SLIT1: variants seen among roughly 807,000 people sequenced by gnomAD.
SLIT1 encodes the protein slit guidance ligand 1.
In SLIT1, 66 loss-of-function variants were observed where a neutral mutation model predicts 186.1. The ratio of observed to expected loss-of-function variants is 0.35; its 90% CI spans 0.29 to 0.44. The LOEUF is 0.44. Among genes scored for constraint, SLIT1 ranks in the 20% least tolerant of loss-of-function variants. The probability of loss-of-function intolerance (pLI) is 1.00; values close to 1 mark genes in which losing one functional copy is unlikely to be tolerated. For missense variants in SLIT1, 1,638 were observed against 2,037.4 expected (o/e 0.80, Z 3.77); for synonymous variants, 761 against 833.8 (o/e 0.91, Z 1.50).
intron 4 of SLIT1, among the ~76,000 whole-genome samples, chr10:97,116,418 T>C (rs562515190): frequency 5.9e-5 from 9 of 152,224 alleles, no homozygotes; most frequent in African/African-American, 2.2e-4. Flanking sequence ...AACACTGCTT[T>C]CCCAGCTTCC....
At chr10:97,124,770 A>G (rs1450776177) in intron 4 of SLIT1, among the ~76,000 whole-genome samples, 2 of 152,216 alleles carry the variant, frequency 1.3e-5, no homozygotes, top group Non-Finnish European at 2.9e-5. Context: ...TGGACATTAG[A>G]AGAATCACTA....
intron 4 of SLIT1, among the ~76,000 whole-genome samples, chr10:97,131,089 G>C (rs1849650032): frequency 6.6e-6 from 1 of 152,152 alleles, no homozygotes; most frequent in Non-Finnish European, 1.5e-5. Flanking sequence ...CGACAGCATG[G>C]AGCAGGCCGA....
At position 97,004,044 on chromosome 10, in the gene SLIT1, G is replaced by T. The variant is rs757035233; in HGVS notation, c.3865+24C>A. ...GGCCTCAGGCCAGACAGCAAAAGAG[G>T]CCCCGCCAGGGCCAGGTCCTCACCT... is the stretch of plus-strand genomic sequence containing the variant. On this transcript the variant is annotated intron_variant, in intron 34 of 36. Coordinates refer to ENST00000266058, the MANE Select transcript of SLIT1 (RefSeq NM_003061.3). This position sits in a 1 kb window ranked among gnomAD's most constrained non-coding sequence, Gnocchi z 5.1. 1 of 1,587,516 alleles carries T rather than the reference G, an allele frequency of 6.3e-7. No individual in the cohort carries two copies. The highest frequency in any genetic ancestry group is 1.3e-5 in the African/African-American group (1 of 74,436).
intron 18 of SLIT1, among the ~76,000 whole-genome samples, chr10:97,046,224 G>A (rs570824431): frequency 6.6e-6 from 1 of 152,252 alleles, no homozygotes; most frequent in South Asian, 2.1e-4. Flanking sequence ...CTGGGCTGTG[G>A]GTTATGGGAT....
chr10:97,034,022 G>C (rs544100621), intron 23 of SLIT1, among the ~76,000 whole-genome samples: 1 of 152,056 alleles, frequency 6.6e-6, no homozygotes, highest in Non-Finnish European at 1.5e-5. Flanking sequence ...CCGCCACCCA[G>C]CCCGATTAAT....
intron 25 of SLIT1, among the ~76,000 whole-genome samples, chr10:97,023,528 G>C (rs925985829): frequency 5.3e-5 from 8 of 152,178 alleles, no homozygotes. Context: ...TCTCACGCCT[G>C]CACCAACATA....
chr10:97,078,595 G>C (rs1003942486), intron 4 of SLIT1, among the ~76,000 whole-genome samples: 1 of 152,202 alleles, frequency 6.6e-6, no homozygotes, highest in African/African-American at 2.4e-5. Flanking sequence ...GCAGCTCAGA[G>C]GCTAGAGTCC....
chr10:97,144,558 G>A (rs1261098670), intron 4 of SLIT1, among the ~76,000 whole-genome samples: 1 of 152,140 alleles, frequency 6.6e-6, no homozygotes, highest in African/African-American at 2.4e-5. Flanking sequence ...GTGCACTGAG[G>A]CAAGATGCAA....
intron 20 of SLIT1, among the ~76,000 whole-genome samples, chr10:97,042,100 C>A (rs1314271794): frequency 6.6e-6 from 1 of 151,868 alleles, no homozygotes; most frequent in Non-Finnish European, 1.5e-5. Flanking sequence ...TTAGAAAATA[C>A]CCTGATGGTG....
At position 97,141,676 on chromosome 10, in the gene SLIT1, CGTATT is replaced by C. The variant is rs1025560715; in HGVS notation, c.413+16137_413+16141del. 3.6e-5 allele frequency among the ~76,000 whole-genome samples: 5 copies of C among 140,326 alleles called. No individual in the cohort carries two copies. In the East Asian group the frequency reaches 6.3e-4, roughly 18 times the overall value. The allele number at this position is 140,326 out of a possible 152,430, so 92.1% of individuals were successfully genotyped here. On this transcript the variant is annotated intron_variant, in intron 4 of 36. Coordinates refer to ENST00000266058, the MANE Select transcript of SLIT1 (RefSeq NM_003061.3). Reference sequence around the variant, plus strand: ...TGTATTGTATTGCATTGCATTGTATCGTATTGTATCGTATCGTATCGTATCGTATT... The same window carrying C: ...TGTATTGTATTGCATTGCATTGTATCGTATCGTATCGTATCGTATCGTATT...
intron 30 of SLIT1, among the ~76,000 whole-genome samples, chr10:97,011,774 C>T (rs569048390): frequency 6.6e-6 from 1 of 152,246 alleles, no homozygotes; most frequent in East Asian, 1.9e-4. Flanking sequence ...CTACAGACCT[C>T]CTGCTCCCCT....
chr10:97,094,617 A>C (rs996716652), intron 4 of SLIT1, among the ~76,000 whole-genome samples: 4 of 152,220 alleles, frequency 2.6e-5, no homozygotes. Context: ...AATAGTATTC[A>C]TAAGAGGAAT....
rs185050692 is a variant in SLIT1, at chr10:97,039,149, A to T, written c.2297+839T>A. Reference sequence around the variant, plus strand: ...GCAAGAAATAACAAATAGAAGCCTCATCGCTGGTCCTGGGGGTGGGGGGAG... The same window carrying T: ...GCAAGAAATAACAAATAGAAGCCTCTTCGCTGGTCCTGGGGGTGGGGGGAG... On this transcript the variant is annotated intron_variant, in intron 21 of 36. Transcript: ENST00000266058. Among the ~76,000 whole-genome samples the T allele has an allele frequency of 4.1e-3, 629 of 152,294 alleles. 4 individuals are homozygous for T. The highest frequency in any genetic ancestry group is 6.6e-3 in the Non-Finnish European group (451 of 68,018).
At chr10:97,163,874 C>T (rs568321066) in intron 2 of SLIT1, among the ~76,000 whole-genome samples, 36 of 152,364 alleles carry the variant, frequency 2.4e-4, no homozygotes, top group African/African-American at 8.4e-4. Context: ...CCTGAAGGCA[C>T]ATGTCCAAGG....
In SLIT1 at chr10:97,166,569, GAGAA is replaced by G. The variant is rs1554854785; in HGVS notation, c.198-1683_198-1680del. ...AAGGAAGGAAGGAAAGAGAGAGAGA[GAGAA>G]AGAAAGAAAGAAAGAAAGAAAGAAA... On this transcript the variant is annotated intron_variant, in intron 1 of 36. Transcript: ENST00000266058. Among the ~76,000 whole-genome samples, 59 of 58,950 alleles carry G rather than the reference GAGAA, an allele frequency of 1.0e-3. 1 individual carries two copies. Among genetic ancestry groups the G allele is most frequent in the African/African-American group, 3.8e-3 (54 of 14,294 alleles). 38.7% of individuals were successfully genotyped at this position (58,950 alleles called of 152,430 possible).
chr10:97,018,466 C>T, intron 28 of SLIT1, 120 bp downstream of exon 28: 1 of 632,068 alleles, frequency 1.6e-6, no homozygotes, highest in African/African-American at 1.9e-5. Context: ...CGACAGTGCG[C>T]CTCCACCTCC....
chr10:97,010,964 C>T lies in SLIT1; in HGVS notation c.3341+29G>A, dbSNP rs1204030011. On this transcript the variant is annotated intron_variant, in intron 31 of 36. Coordinates refer to ENST00000266058, the MANE Select transcript of SLIT1 (RefSeq NM_003061.3). This position sits in a 1 kb window ranked among gnomAD's most constrained non-coding sequence, Gnocchi z 4.8. ...CCAGGGGCTGACAGCCACAAGGAGT[C>T]ACTCCTAGTGTGTCCAGGGGCTGCT... 3 of 1,600,956 alleles carry T rather than the reference C, an allele frequency of 1.9e-6. No individual in the cohort carries two copies. The highest frequency in any genetic ancestry group is 2.7e-5 in the African/African-American group (2 of 74,476).
chr10:97,064,900 G>C (rs1397420547), intron 5 of SLIT1, 24 bp from the exon 6 acceptor site: 2 of 1,602,578 alleles, frequency 1.2e-6, no homozygotes, highest in Non-Finnish European at 1.7e-6. Flanking sequence ...GAAGGTTGTA[G>C]AGAGAAGGGC....
intron 4 of SLIT1, among the ~76,000 whole-genome samples, chr10:97,112,035 T>C (rs1320501956): frequency 1.3e-5 from 2 of 152,214 alleles, no homozygotes; most frequent in African/African-American, 2.4e-5. Context: ...ACCCGCACCC[T>C]GACCTGACAG....
Sources: gnomAD v4.1 joint callset for allele counts (sites outside exome capture counted in the v4.1 genomes callset) on GRCh38, gnomAD v4.1.1 for gene constraint, Gnocchi (gnomAD v3.1) non-coding constraint, MANE v1.5 for transcripts, NCBI Gene and HGNC (gene_info 2026-07-23, HGNC 2026-07-21) for gene names.